The following GPR19 variants were observed in gnomAD, a reference collection of about 807,000 sequenced individuals.
GPR19 encodes probable G protein-coupled receptor 19.
A neutral mutation model predicts 28.5 loss-of-function variants in GPR19; 14 were observed. The ratio of observed to expected loss-of-function variants is 0.49; its 90% CI spans 0.32 to 0.77. The LOEUF is 0.77. Ranked by LOEUF, GPR19 falls within the 30% of genes least tolerant of loss-of-function variation. The pLI is 0.03. For synonymous variants in GPR19, 173 were observed against 184.1 expected (o/e 0.94, Z 0.49); for missense variants, 409 against 504.1 (o/e 0.81, Z 1.81).
At chr12:12,709,251 C>T in the GPR19 span, among the ~76,000 whole-genome samples, 3 of 152,096 alleles carry the variant, frequency 2.0e-5, no homozygotes, top group South Asian at 2.1e-4. Context: ...GCTAATAGAA[C>T]GTAAATATAG....
chr12:12,683,924 C>T lies in GPR19; in HGVS notation c.-23+427G>A, dbSNP rs1221659150. ...AAGATGATCACACAGCACAAAGGAA[C>T]AGCACGCCTGCCCACTTCAGCTCCC... On this transcript the variant is annotated intron_variant, in intron 3 of 3. Transcript: ENST00000651487. Among the ~76,000 whole-genome samples the T allele has an allele frequency of 2.9e-5, 4 of 135,814 alleles. No homozygotes were observed. The South Asian group carries it at 1.0e-3, about 35-fold the overall frequency. The allele number at this position is 135,814 out of a possible 152,430, so 89.1% of individuals were successfully genotyped here.
intron 3 of GPR19, among the ~76,000 whole-genome samples, chr12:12,672,678 C>T (rs138215902): frequency 0.019 from 2,890 of 151,998 alleles, 39 homozygotes; most frequent in Non-Finnish European, 0.03. Flanking sequence ...ACCCCGGAGG[C>T]GGAGGTTGCA....
At chr12:12,663,261 G>T (rs1337707384) in intron 3 of GPR19, among the ~76,000 whole-genome samples, 1 of 151,902 alleles carries the variant, frequency 6.6e-6, no homozygotes, top group Admixed American at 6.6e-5. Flanking sequence ...ACCAGGTTAC[G>T]GGAGACCTTA....
chr12:12,708,775 A>G, the GPR19 span, among the ~76,000 whole-genome samples: 1 of 152,210 alleles, frequency 6.6e-6, no homozygotes, highest in Non-Finnish European at 1.5e-5. Context: ...GTGGCTGGGC[A>G]CGGTGGCTCA....
chr12:12,663,428 C>CA (rs59519930), intron 3 of GPR19, among the ~76,000 whole-genome samples: 52,078 of 145,656 alleles, frequency 0.36, 9,237 homozygotes, highest in South Asian at 0.44. Context: ...GACCCTATCT[C>CA]AAAAAAAAAA....
intron 3 of GPR19, among the ~76,000 whole-genome samples, chr12:12,670,321 T>G (rs1386365783): frequency 6.6e-6 from 1 of 152,194 alleles, no homozygotes; most frequent in Non-Finnish European, 1.5e-5. Context: ...ACACCCAGAA[T>G]GTAATCTTCT....
the GPR19 span, among the ~76,000 whole-genome samples, chr12:12,714,403 C>T: frequency 3.9e-5 from 6 of 152,162 alleles, no homozygotes; most frequent in African/African-American, 1.4e-4. Context: ...GCGACGCTGG[C>T]GGCTTGCTCA....
At chr12:12,716,096 CAG>C in the GPR19 span, among the ~76,000 whole-genome samples, 285 of 152,310 alleles carry the variant, frequency 1.9e-3, no homozygotes, top group Middle Eastern at 3.4e-3. Context: ...AGCTTTGTCT[CAG>C]GGCAGCCCTG....
chr12:12,702,880 T>C, the GPR19 span, among the ~76,000 whole-genome samples: 1 of 152,374 alleles, frequency 6.6e-6, no homozygotes, highest in African/African-American at 2.4e-5. Context: ...TACCGTATAC[T>C]GACATGAATC....
upstream of GPR19, among the ~76,000 whole-genome samples, chr12:12,699,011 T>C (rs1309510836): frequency 6.6e-6 from 1 of 152,114 alleles, no homozygotes. Flanking sequence ...TCACAGTCAG[T>C]ATGAGCATTG....
upstream of GPR19, among the ~76,000 whole-genome samples, chr12:12,696,548 A>G (rs1946265701): frequency 1.3e-5 from 2 of 152,090 alleles, no homozygotes; most frequent in Non-Finnish European, 2.9e-5. Flanking sequence ...TTCAGAAACA[A>G]AATTTTTTAA....
At chr12:12,716,102 A>G in the GPR19 span, among the ~76,000 whole-genome samples, 7 of 152,356 alleles carry the variant, frequency 4.6e-5, no homozygotes, top group East Asian at 1.2e-3. Flanking sequence ...GTCTCAGGGC[A>G]GCCCTGCTCA....
intron 3 of GPR19, among the ~76,000 whole-genome samples, chr12:12,662,818 C>T (rs9804739): frequency 6.6e-6 from 1 of 152,144 alleles, no homozygotes; most frequent in Non-Finnish European, 1.5e-5. Flanking sequence ...CTCATGGTAA[C>T]GGTGTTACCA....
At chr12:12,685,356 AAC>A (rs1946080387) in intron 2 of GPR19, among the ~76,000 whole-genome samples, 1 of 151,808 alleles carries the variant, frequency 6.6e-6, no homozygotes, top group Non-Finnish European at 1.5e-5. Flanking sequence ...AAACCACAGA[AAC>A]ACATAGGAAT....
chr12:12,700,656 C>T (rs1013814977), upstream of GPR19, among the ~76,000 whole-genome samples: 22 of 152,250 alleles, frequency 1.4e-4, no homozygotes, highest in Admixed American at 5.9e-4. Flanking sequence ...CAATTAAATT[C>T]CCTCTGACAC....
chr12:12,709,309 G>A, the GPR19 span, among the ~76,000 whole-genome samples: 1 of 152,138 alleles, frequency 6.6e-6, no homozygotes, highest in Non-Finnish European at 1.5e-5. Context: ...AAGAGTCTTT[G>A]GTTGCTCGGG....
chr12:12,704,446 G>C, the GPR19 span, among the ~76,000 whole-genome samples: 423 of 152,324 alleles, frequency 2.8e-3, 1 homozygote, highest in Admixed American at 7.4e-3. Context: ...AGGTTACAGT[G>C]AGCCGAGATC....
rs758639380 is a variant in GPR19, at chr12:12,661,477, G to C, written c.972C>G (p.Ala324=). Residue 324 remains alanine (A), a synonymous_variant, in exon 4 of 4, where the codon GCC becomes GCG. Coordinates refer to ENST00000651487, the MANE Select transcript of GPR19 (RefSeq NM_006143.3). The surrounding 1 kb of genome is among the most constrained non-coding windows in gnomAD (Gnocchi z 4.2). ...AITWISFSSS[A]SKPTLYSIYN... ...AAATTGAATACAGAGTAGGTTTAGA[G>C]GCTGAAGAACTAAAGGATATCCATG... 2 of 1,613,664 alleles carry C rather than the reference G, an allele frequency of 1.2e-6. No individual in the cohort carries two copies. The highest frequency in any genetic ancestry group is 2.2e-5 in the South Asian group (2 of 91,072).
At chr12:12,663,261 G>A (rs1337707384) in intron 3 of GPR19, among the ~76,000 whole-genome samples, 5 of 152,020 alleles carry the variant, frequency 3.3e-5, no homozygotes, top group South Asian at 2.1e-4. Flanking sequence ...ACCAGGTTAC[G>A]GGAGACCTTA....
Sources: gnomAD v4.1 joint callset for allele counts (sites outside exome capture counted in the v4.1 genomes callset) on GRCh38, gnomAD v4.1.1 for gene constraint, Gnocchi (gnomAD v3.1) non-coding constraint, MANE v1.5 for transcripts, NCBI Gene and HGNC (gene_info 2026-07-23, HGNC 2026-07-21) for gene names.